Variants in ZSCAN21 observed in about 807,000 individuals in gnomAD.
The protein encoded by ZSCAN21 is zinc finger and SCAN domain containing 21.
In ZSCAN21, 26 loss-of-function variants were observed where a neutral mutation model predicts 35.6. The observed-to-expected ratio is 0.73, with a 90% CI of 0.54 to 1.01. The LOEUF is 1.01. Among genes scored for constraint, ZSCAN21 ranks in the 50% least tolerant of loss-of-function variants. ZSCAN21 has a pLI of 0.00. For synonymous variants in ZSCAN21, 219 were observed against 219.3 expected, an observed-to-expected ratio of 1.00 and a Z score of 0.01; for missense variants, 593 against 587.1, an observed-to-expected ratio of 1.01 and a Z score of -0.10.
chr7:100,064,777 G>T lies in ZSCAN21; in HGVS notation c.*160G>T, dbSNP rs1792554940. On this transcript the variant is annotated 3_prime_UTR_variant, in exon 4 of 4. Transcript: ENST00000292450. ...TGCGAGCTCCACAGCAACATGGCAG[G>T]CAGGAGGTCCTCAGAAGGTGTCAGG... The T allele has an allele frequency of 1.9e-6, 3 of 1,614,172 alleles. No individual in the cohort carries two copies. Among genetic ancestry groups the T allele is most frequent in the Middle Eastern group, 3.3e-4 (2 of 6,062 alleles).
chr7:100,057,036 A>T lies in ZSCAN21; in HGVS notation c.30A>T (p.Pro10=), dbSNP rs757010557. 3.1e-6 allele frequency: 5 copies of T among 1,612,882 alleles called. No homozygotes were observed. In the East Asian group the frequency reaches 1.1e-4, roughly 36 times the overall value. ...TGACCAAGGTACTAGGCATGGCCCC[A>T]GTTCTGGGCCCTAGGCCTCCACAGG... is the stretch of plus-strand genomic sequence containing the variant. MMTKVLGMA[P]VLGPRPPQEQ... The change falls in exon 2 of 4, where the codon CCA becomes CCT. Residue 10 remains proline, a synonymous_variant. Coordinates refer to ENST00000292450, the MANE Select transcript of ZSCAN21 (RefSeq NM_145914.3).
rs932573213 is a variant in ZSCAN21 at position 100,062,722 on chromosome 7, A to G, written c.593-1066A>G. Among the ~76,000 whole-genome samples, 8 of 151,636 alleles carry G rather than the reference A, an allele frequency of 5.3e-5. 1 individual carries two copies. The highest frequency in any genetic ancestry group is 1.9e-4 in the African/African-American group (8 of 41,304). ...AAACCCCATCTCTATTAAAAATACA[A>G]AAATTAGCTGGGCGTGGTGCCAGGT... On this transcript the variant is annotated intron_variant, in intron 3 of 3. Coordinates refer to ENST00000292450, the MANE Select transcript of ZSCAN21 (RefSeq NM_145914.3).
chr7:100,063,919 G>A lies in ZSCAN21; in HGVS notation c.724G>A (p.Val242Ile), dbSNP rs186501023. Residue 242 changes from valine (V) to isoleucine (I), a missense_variant, in exon 4 of 4, where the codon GTA becomes ATA. Transcript: ENST00000292450. ...TGAGGCCAGCTTAGAGAGGCAGTGC[G>A]TAAACCTTGAAAATGAAAAAGGAAC... Reference protein sequence around the residue: ...KPEASLERQCVNLENEKGTKP... With the variant: ...KPEASLERQCINLENEKGTKP... 2.8e-5 allele frequency: 46 copies of A among 1,614,132 alleles called. No individual in the cohort carries two copies. Among genetic ancestry groups the A allele is most frequent in the Middle Eastern group, 1.6e-4 (1 of 6,062 alleles).
At chr7:100,062,369 T>C (rs1379660055) in intron 3 of ZSCAN21, among the ~76,000 whole-genome samples, 1 of 149,036 alleles carries the variant, frequency 6.7e-6, no homozygotes, top group Admixed American at 6.8e-5. Flanking sequence ...GGCGGGCAGA[T>C]CACCTGAGGT....
At chr7:100,063,166 T>C (rs899210288) in intron 3 of ZSCAN21, among the ~76,000 whole-genome samples, 1 of 152,236 alleles carries the variant, frequency 6.6e-6, no homozygotes, top group African/African-American at 2.4e-5. Flanking sequence ...AGTGCTGGGA[T>C]TACAGGCGTG....
chr7:100,058,661 T>G (rs1271069840), intron 3 of ZSCAN21, among the ~76,000 whole-genome samples: 2 of 152,260 alleles, frequency 1.3e-5, no homozygotes, highest in Non-Finnish European at 2.9e-5. Flanking sequence ...CCATATATTA[T>G]GGTTTATAGA....
chr7:100,059,103 G>A (rs992443261), intron 3 of ZSCAN21, among the ~76,000 whole-genome samples: 1 of 152,212 alleles, frequency 6.6e-6, no homozygotes, highest in Non-Finnish European at 1.5e-5. Flanking sequence ...CACTATTTAT[G>A]TGTGTGGTGT....
chr7:100,051,277 A>ATTTTTTTTTTTTTTTTTTTTTTTTTTTTT, intron 1 of ZSCAN21, among the ~76,000 whole-genome samples: 1 of 45,106 alleles, frequency 2.2e-5, no homozygotes, highest in Middle Eastern at 0.019. Context: ...GGATCTAGGG[A>ATTTTTTTTTTTTTTTTTTTTTTTTTTTTT]TTTTCTTTTT....
chr7:100,062,114 T>A, intron 3 of ZSCAN21, among the ~76,000 whole-genome samples: 1 of 152,116 alleles, frequency 6.6e-6, no homozygotes, highest in East Asian at 1.9e-4. Flanking sequence ...TGATTGTAAA[T>A]GGTCAGAATG....
intron 1 of ZSCAN21, among the ~76,000 whole-genome samples, chr7:100,050,138 C>T (rs1191790026): frequency 6.6e-6 from 1 of 152,166 alleles, no homozygotes; most frequent in Non-Finnish European, 1.5e-5. Flanking sequence ...GTTCCCCAAG[C>T]CAAGCCGTCT....
At chr7:100,063,687 A>G in intron 3 of ZSCAN21, 101 bp from the exon 4 acceptor site, 1 of 1,140,388 alleles carries the variant, frequency 8.8e-7, no homozygotes, top group Non-Finnish European at 1.2e-6. Context: ...GTCACCCTTC[A>G]GAAACCATCA....
At chr7:100,054,345 G>T (rs894643087) in intron 1 of ZSCAN21, among the ~76,000 whole-genome samples, 1 of 151,078 alleles carries the variant, frequency 6.6e-6, no homozygotes, top group African/African-American at 2.4e-5. Context: ...TGCCTCCCAC[G>T]TTCAAGCTAT....
Position 100,049,852 on chromosome 7 carries a change from T to C in ZSCAN21, c.-97+11T>C, listed in dbSNP as rs1436794352. ...CGGCTCTGATTCATGGTGAGCCTGC[T>C]GGTCGCGGGTTAGCGAGGCGGACAG... is the stretch of plus-strand genomic sequence containing the variant. On this transcript the variant is annotated intron_variant, in intron 1 of 3. Coordinates refer to ENST00000292450, the MANE Select transcript of ZSCAN21 (RefSeq NM_145914.3). The C allele has an allele frequency of 1.3e-5, 2 of 152,392 alleles. No individual in the cohort carries two copies. The highest frequency in any genetic ancestry group is 2.9e-5 in the Non-Finnish European group (2 of 68,150). The allele number at this position is 152,392 out of a possible 1,614,324, so 9.4% of individuals were successfully genotyped here. A position where few individuals can be genotyped will look rare whatever the true frequency, so the allele number is the denominator to read the frequency against.
At chr7:100,056,757 C>T (rs1376086762) in intron 1 of ZSCAN21, among the ~76,000 whole-genome samples, 154 bp from the exon 2 acceptor site, 1 of 152,202 alleles carries the variant, frequency 6.6e-6, no homozygotes, top group Non-Finnish European at 1.5e-5. Context: ...AGCCACTGTA[C>T]CCAGCTCATT....
chr7:100,062,172 G>T (rs1360943332), intron 3 of ZSCAN21, among the ~76,000 whole-genome samples: 3 of 151,494 alleles, frequency 2.0e-5, no homozygotes, highest in South Asian at 2.1e-4. Flanking sequence ...ATGGGTTTTT[G>T]TGAGTTTGCC....
At chr7:100,060,835 G>C (rs1792260712) in intron 3 of ZSCAN21, among the ~76,000 whole-genome samples, 1 of 149,904 alleles carries the variant, frequency 6.7e-6, no homozygotes, top group South Asian at 2.1e-4. Flanking sequence ...ACTCCAGCCT[G>C]GCGCAACAGA....
chr7:100,051,277 A>ATTTTTTTTTTTTTTTTT (rs1376849857), intron 1 of ZSCAN21, among the ~76,000 whole-genome samples: 4 of 45,102 alleles, frequency 8.9e-5, no homozygotes, highest in East Asian at 1.1e-3. Flanking sequence ...GGATCTAGGG[A>ATTTTTTTTTTTTTTTTT]TTTTCTTTTT....
rs1476986608 is a variant in ZSCAN21, at chr7:100,064,401, C to T, written c.1206C>T (p.Gly402=). ...GGAAGAGCTTCAGTCAGCATGCGGGCCTCAGCTCCCACCAGAGACTCCACA... is the reference window on the plus strand; with the variant it reads ...GGAAGAGCTTCAGTCAGCATGCGGGTCTCAGCTCCCACCAGAGACTCCACA... ...ECGKSFSQHA[G]LSSHQRLHTG... The change falls in exon 4 of 4, where the codon GGC becomes GGT. Residue 402 remains glycine (G), a synonymous_variant. Transcript: ENST00000292450. The T allele has an allele frequency of 1.2e-6, 2 of 1,601,356 alleles. No homozygotes were observed. Among genetic ancestry groups the T allele is most frequent in the Non-Finnish European group, 8.5e-7 (1 of 1,174,378 alleles).
In ZSCAN21 at chr7:100,064,815, C is replaced by T. The variant is rs780604631; in HGVS notation, c.*198C>T. On this transcript the variant is annotated 3_prime_UTR_variant, in exon 4 of 4. Coordinates refer to ENST00000292450, the MANE Select transcript of ZSCAN21 (RefSeq NM_145914.3). The stretch of plus-strand genomic sequence containing the variant: ...AGAAGGTGTCAGGAGGTTCCACACT[C>T]GCCAGTTCACTGGAGCAGAGTCCCT... 2.5e-6 allele frequency: 4 copies of T among 1,614,160 alleles called. No individual in the cohort carries two copies. Among genetic ancestry groups the T allele is most frequent in the Non-Finnish European group, 2.5e-6 (3 of 1,180,040 alleles).
Sources: allele counts gnomAD v4.1 joint callset (sites outside exome capture counted in the v4.1 genomes callset), GRCh38; gene constraint gnomAD v4.1.1; transcripts MANE v1.5; gene names NCBI Gene and HGNC (gene_info 2026-07-23, HGNC 2026-07-21).